Variants in RTN4 observed in about 807,000 individuals in gnomAD.
RTN4 encodes the protein reticulon-4.
RTN4 carries 32 observed loss-of-function variants against 90.4 expected under a neutral mutation model. The observed-to-expected ratio is 0.35, with a 90% CI of 0.27 to 0.48. The LOEUF (loss-of-function observed/expected upper bound fraction) is 0.48, where lower values mean the gene tolerates loss of function less well. RTN4 is among the 20% of genes least tolerant of loss of function. The probability of loss-of-function intolerance (pLI) is 0.99; values close to 1 mark genes in which losing one functional copy is unlikely to be tolerated. For synonymous variants in RTN4, 629 were observed against 552.5 expected (o/e 1.14, Z -1.94); for missense variants, 1,706 against 1,430.2 (o/e 1.19, Z -3.11).
At chr2:55,092,441 T>A (rs901947405) in intron 1 of RTN4, among the ~76,000 whole-genome samples, 2 of 152,006 alleles carry the variant, frequency 1.3e-5, no homozygotes, top group African/African-American at 4.8e-5. Context: ...CTCCATGTTG[T>A]CAGCCTGGTC....
the RTN4 span, among the ~76,000 whole-genome samples, chr2:55,131,318 C>T: frequency 6.6e-6 from 1 of 152,112 alleles, no homozygotes; most frequent in Non-Finnish European, 1.5e-5. Context: ...AAGTGATCCT[C>T]CTGTCTCAGC....
intron 1 of RTN4, among the ~76,000 whole-genome samples, chr2:55,092,393 C>T (rs1049304946): frequency 2.0e-5 from 3 of 151,900 alleles, no homozygotes; most frequent in African/African-American, 7.3e-5. Context: ...TCACCACCAC[C>T]CCTGGCTAAT....
chr2:55,050,209 G>T lies in RTN4; in HGVS notation c.92C>A (p.Pro31His). The change falls in exon 1 of 9, where the codon CCC becomes CAC. Residue 31 changes from proline (P) to histidine (H), a missense_variant. Coordinates refer to ENST00000337526, the MANE Select transcript of RTN4 (RefSeq NM_020532.5). This position sits in a 1 kb window ranked among gnomAD's most constrained non-coding sequence, Gnocchi z 4.6. ...CTCCTCTTCTTCCTCCTCGTCCTCGGGCTCCCTCACGAACTGGTACTTGAA... is the reference window on the plus strand; with the variant it reads ...CTCCTCTTCTTCCTCCTCGTCCTCGTGCTCCCTCACGAACTGGTACTTGAA... ...PAFKYQFVREPEDEEEEEEEE... is the reference protein window; with the variant it reads ...PAFKYQFVREHEDEEEEEEEE... 1 of 1,568,244 alleles carries T rather than the reference G, an allele frequency of 6.4e-7. No homozygotes were observed.
chr2:55,101,821 A>T (rs1023388423), intron 1 of RTN4, among the ~76,000 whole-genome samples: 1 of 152,130 alleles, frequency 6.6e-6, no homozygotes, highest in African/African-American at 2.4e-5. Flanking sequence ...GTTAAAGTGA[A>T]TTTTTCACTA....
chr2:55,011,216 G>A (rs570108102), intron 3 of RTN4, among the ~76,000 whole-genome samples: 33 of 151,908 alleles, frequency 2.2e-4, no homozygotes, highest in Admixed American at 7.2e-4. Flanking sequence ...TTTTAGAGAT[G>A]AGGTCTCCCT....
intron 2 of RTN4, chr2:55,056,493 A>C (rs1392974531): frequency 6.6e-6 from 1 of 152,154 alleles, no homozygotes; most frequent in Non-Finnish European, 1.5e-5. Context: ...TGAGAGGCGA[A>C]GGTGGGCAAA....
chr2:55,120,170 C>T, the RTN4 span, among the ~76,000 whole-genome samples: 3 of 152,188 alleles, frequency 2.0e-5, no homozygotes, highest in African/African-American at 7.2e-5. Flanking sequence ...ACAGCACAGC[C>T]GCATCTCTGA....
chr2:54,982,392 T>G (rs753683011), intron 5 of RTN4, 123 bp downstream of exon 5: 78 of 854,148 alleles, frequency 9.1e-5, no homozygotes, highest in Non-Finnish European at 1.3e-4. Flanking sequence ...AACACAAGTT[T>G]ACAGCCATGT....
chr2:55,067,449 G>A, intron 2 of RTN4, among the ~76,000 whole-genome samples: 1 of 137,996 alleles, frequency 7.2e-6, no homozygotes, highest in African/African-American at 2.7e-5. Context: ...GTCTTGTTCT[G>A]TTACCCAGAC....
intron 1 of RTN4, among the ~76,000 whole-genome samples, chr2:55,081,772 A>T (rs1212854278): frequency 1.3e-5 from 2 of 150,818 alleles, no homozygotes; most frequent in Non-Finnish European, 1.5e-5. Context: ...CTGAGGCTGG[A>T]GAATCACTCG....
the RTN4 span, among the ~76,000 whole-genome samples, chr2:55,128,327 C>T: frequency 1.3e-5 from 2 of 152,050 alleles, no homozygotes; most frequent in African/African-American, 2.4e-5. Flanking sequence ...TTGCACCCTC[C>T]TAGGGTGGAA....
At chr2:55,108,407 A>G (rs1006297720) in intron 1 of RTN4, among the ~76,000 whole-genome samples, 4 of 152,004 alleles carry the variant, frequency 2.6e-5, no homozygotes, top group Non-Finnish European at 4.4e-5. Context: ...CAGGAGAGGG[A>G]GAAGGGTGAA....
chr2:54,975,741 T>A (rs150238546), intron 5 of RTN4, among the ~76,000 whole-genome samples: 2 of 152,342 alleles, frequency 1.3e-5, no homozygotes, highest in African/African-American at 4.8e-5. Flanking sequence ...TGACCATTAA[T>A]TAAGCAGTCA....
chr2:55,057,045 C>A (rs367550167), intron 2 of RTN4, among the ~76,000 whole-genome samples: 3 of 152,168 alleles, frequency 2.0e-5, no homozygotes, highest in African/African-American at 4.8e-5. Context: ...AGAAAAAATG[C>A]ACAAACACAA....
chr2:55,030,013 T>C lies in RTN4; in HGVS notation c.557-1793A>G, dbSNP rs1682188900. Among the ~76,000 whole-genome samples the C allele has an allele frequency of 2.0e-5, 3 of 152,316 alleles. No individual in the cohort carries two copies. The South Asian group carries it at 6.2e-4, about 32-fold the overall frequency. On this transcript the variant is annotated intron_variant, in intron 1 of 8. Transcript: ENST00000337526. ...GAGCAGAACCAAATAATTACGCAGC[T>C]GCTCCATCTAAATAACAGTTAACCA...
At chr2:55,125,631 T>C in the RTN4 span, among the ~76,000 whole-genome samples, 1 of 152,160 alleles carries the variant, frequency 6.6e-6, no homozygotes, top group Non-Finnish European at 1.5e-5. Flanking sequence ...GTGGGCACGG[T>C]GGCACATGCC....
At chr2:54,977,203 G>A (rs1350902773) in intron 5 of RTN4, among the ~76,000 whole-genome samples, 1 of 152,142 alleles carries the variant, frequency 6.6e-6, no homozygotes, top group African/African-American at 2.4e-5. Flanking sequence ...AACTCTACTT[G>A]CCCTTCTGTG....
intron 4 of RTN4, among the ~76,000 whole-genome samples, chr2:54,985,781 C>A (rs556629360): frequency 3.3e-5 from 5 of 152,284 alleles, no homozygotes; most frequent in Non-Finnish European, 4.4e-5. Flanking sequence ...CCATTAATAT[C>A]AACTGGATCA....
At chr2:55,083,989 G>T (rs1026203602) in intron 1 of RTN4, among the ~76,000 whole-genome samples, 1 of 152,194 alleles carries the variant, frequency 6.6e-6, no homozygotes, top group South Asian at 2.1e-4. Flanking sequence ...CTAATGAGGT[G>T]ACTCTTCATG....
Sources: allele counts gnomAD v4.1 joint callset (sites outside exome capture counted in the v4.1 genomes callset), GRCh38; gene constraint gnomAD v4.1.1; non-coding constraint Gnocchi (gnomAD v3.1); transcripts MANE v1.5; gene names NCBI Gene and HGNC (gene_info 2026-07-23, HGNC 2026-07-21).